The following GTPBP3 variants were observed in gnomAD, a reference collection of about 807,000 sequenced individuals.
GTPBP3 encodes the protein GTP binding protein 3, mitochondrial.
GTPBP3 carries 35 observed loss-of-function variants against 42.0 expected under a neutral mutation model. The ratio of observed to expected loss-of-function variants is 0.83; its 90% CI spans 0.64 to 1.10. The LOEUF is 1.10. Ranked by LOEUF, GTPBP3 falls within the 50% of genes least tolerant of loss-of-function variation. The probability of loss-of-function intolerance (pLI) is 0.00; values close to 1 mark genes in which losing one functional copy is unlikely to be tolerated. For synonymous variants in GTPBP3, 332 were observed against 314.9 expected, an observed-to-expected ratio of 1.05 and a Z score of -0.58; for missense variants, 691 against 685.2, an observed-to-expected ratio of 1.01 and a Z score of -0.09.
At chr19:17,336,106 C>T (rs1277457725), upstream of GTPBP3, among the ~76,000 whole-genome samples, 1 of 151,772 alleles carries the variant, frequency 6.6e-6, no homozygotes, top group East Asian at 1.9e-4. Flanking sequence ...CATGGTGGCG[C>T]ACGCCTGTAG....
chr19:17,341,130 T>C lies in GTPBP3; in HGVS notation c.1061T>C (p.Val354Ala). Residue 354 changes from valine to alanine, a missense_variant, in exon 8 of 9, where the codon GTA becomes GCA. Val to Ala is a moderately conservative substitution (Grantham distance 64, BLOSUM62 0). Transcript: ENST00000324894. ...AGTTGCAACTTCCTGGCCACCGTCG[T>C]AGCCTCTGTGGGAGCCCAGAGCCCC... is the stretch of plus-strand genomic sequence containing the variant. ...PSSCNFLATV[V>A]ASVGAQSPSD... 6.2e-7 allele frequency: 1 copy of C among 1,613,826 alleles called. No homozygotes were observed. The highest frequency in any genetic ancestry group is 2.2e-5 in the East Asian group (1 of 44,862).
intron 7 of GTPBP3, 93 bp downstream of exon 7, chr19:17,339,692 G>C: frequency 8.0e-7 from 1 of 1,247,430 alleles, no homozygotes; most frequent in South Asian, 1.4e-5. Flanking sequence ...TCCTGAATCA[G>C]AGAACCTGCT....
Position 17,341,070 on chromosome 19 carries a change from C to T in GTPBP3, c.1001C>T (p.Ala334Val), listed in dbSNP as rs1330350367. ...CTAGAGCAGGCTGACCTCATTCTGG[C>T]CATGCTGGATGCTTCTGACCTGGCC... is the stretch of plus-strand genomic sequence containing the variant. ...ERLEQADLIL[A>V]MLDASDLASP... The change falls in exon 8 of 9, where the codon GCC (alanine) becomes GTC (valine). Residue 334 changes from alanine to valine, a missense_variant. Transcript: ENST00000324894. 1 of 1,613,724 alleles carries T rather than the reference C, an allele frequency of 6.2e-7. No individual in the cohort carries two copies. Among genetic ancestry groups the T allele is most frequent in the South Asian group, 1.1e-5 (1 of 91,068 alleles).
upstream of GTPBP3, chr19:17,335,033 A>C: frequency 6.5e-7 from 1 of 1,535,718 alleles, no homozygotes. Flanking sequence ...GTCCCCACCC[A>C]TGCTTTCTTC....
intron 2 of GTPBP3, 46 bp from the exon 3 acceptor site, chr19:17,338,318 GT>G: frequency 6.2e-7 from 1 of 1,611,026 alleles, no homozygotes; most frequent in Non-Finnish European, 8.5e-7. Flanking sequence ...CCTTCCAAGG[GT>G]TTGCACTGGC....
chr19:17,336,795 A>G (rs1176502547), upstream of GTPBP3: 8 of 152,160 alleles, frequency 5.3e-5, no homozygotes. Context: ...GGAGCCAGAG[A>G]CTGACCGGAC....
upstream of GTPBP3, chr19:17,335,270 GA>G: frequency 8.5e-7 from 1 of 1,171,108 alleles, no homozygotes; most frequent in Non-Finnish European, 1.2e-6. Flanking sequence ...TGGCTGCCTA[GA>G]ACACTCCTCA....
Position 17,338,634 on chromosome 19 carries a change from G to T in GTPBP3, c.484G>T (p.Ala162Ser). Residue 162 changes from alanine (A) to serine (S), a missense_variant, in exon 4 of 9, where the codon GCG becomes TCG. By Grantham distance (99) the Ala-to-Ser change is moderately conservative (BLOSUM62 1). Transcript: ENST00000324894. ...GAACCTGACCGAAGTGGAGGGGCTGGCGGACCTTATCCACGCGGAAACAGA... is the reference window on the plus strand; with the variant it reads ...GAACCTGACCGAAGTGGAGGGGCTGTCGGACCTTATCCACGCGGAAACAGA... ...KLNLTEVEGLADLIHAETEAQ... is the reference protein window; with the variant it reads ...KLNLTEVEGLSDLIHAETEAQ... The T allele has an allele frequency of 6.2e-7, 1 of 1,614,046 alleles. No individual in the cohort carries two copies.
rs1003227343 is a variant in GTPBP3 at position 17,339,429 on chromosome 19, C to T, written c.809-5C>T. ...CCCTCTCCTCTTCTTCTGACCCTCC[C>T]CCAGGTCGGAAGCCTGTGTCCATCG... On this transcript the variant is annotated splice_polypyrimidine_tract_variant and splice_region_variant and intron_variant, in intron 6 of 8. Transcript: ENST00000324894. The T allele has an allele frequency of 2.2e-5, 35 of 1,613,036 alleles. No individual in the cohort carries two copies. The highest frequency in any genetic ancestry group is 2.8e-5 in the Non-Finnish European group (33 of 1,179,648).
upstream of GTPBP3, among the ~76,000 whole-genome samples, chr19:17,335,854 T>C (rs7508256): frequency 6.4e-3 from 189 of 29,668 alleles, no homozygotes; most frequent in Middle Eastern, 0.012. Flanking sequence ...ACAGATGTAA[T>C]AACTAGCTTG....
chr19:17,341,604 G>C lies in GTPBP3; in HGVS notation c.1380G>C (p.Ala460=), dbSNP rs140166079. 1 of 1,613,854 alleles carries C rather than the reference G, an allele frequency of 6.2e-7. No individual in the cohort carries two copies. Among genetic ancestry groups the C allele is most frequent in the African/African-American group, 1.3e-5 (1 of 75,040 alleles). ...QSKDLALAAE[A]LRVARGHLTR... is the part of the protein sequence containing the mutation. ...AAGACCTGGCCCTGGCGGCAGAGGCGCTGCGGGTGGCCCGGGGTCACCTGA... is the reference window on the plus strand; with the variant it reads ...AAGACCTGGCCCTGGCGGCAGAGGCCCTGCGGGTGGCCCGGGGTCACCTGA... The change falls in exon 9 of 9, where the codon GCG becomes GCC. Residue 460 remains alanine, a synonymous_variant. Transcript: ENST00000324894.
chr19:17,339,321 C>A, intron 6 of GTPBP3, 55 bp downstream of exon 6: 1 of 1,580,998 alleles, frequency 6.3e-7, no homozygotes, highest in East Asian at 2.2e-5. Flanking sequence ...GGGCCAAGAG[C>A]TGGGTTATTG....
At position 17,338,650 on chromosome 19, in the gene GTPBP3, C is replaced by T. The variant is rs2074393574; in HGVS notation, c.500C>T (p.Ala167Val). Reference sequence around the variant, plus strand: ...GAGGGGCTGGCGGACCTTATCCACGCGGAAACAGAGGCGCAGCGGCGGCAG... The same window carrying T: ...GAGGGGCTGGCGGACCTTATCCACGTGGAAACAGAGGCGCAGCGGCGGCAG... ...EVEGLADLIH[A>V]ETEAQRRQAL... The change falls in exon 4 of 9, where the codon GCG becomes GTG. Residue 167 changes from alanine to valine, a missense_variant. Transcript: ENST00000324894. 1 of 1,613,794 alleles carries T rather than the reference C, an allele frequency of 6.2e-7. No individual in the cohort carries two copies. The highest frequency in any genetic ancestry group is 1.7e-5 in the Admixed American group (1 of 59,998).
chr19:17,340,678 CT>C (rs1251972853), intron 7 of GTPBP3, among the ~76,000 whole-genome samples: 2 of 150,876 alleles, frequency 1.3e-5, no homozygotes, highest in East Asian at 3.9e-4. Flanking sequence ...GCTCTTCCCC[CT>C]GCACAGTGCT....
At position 17,337,554 on chromosome 19, in the gene GTPBP3, T is replaced by G. The variant is rs1372991704; in HGVS notation, c.-58T>G. On this transcript the variant is annotated 5_prime_UTR_variant, in exon 1 of 9. Transcript: ENST00000324894. ...AAGCCGCGGAGTGGGCGGGGCCCCC[T>G]GCCCAGACTTGAAGCCACACAGGCA... 1.5e-6 allele frequency: 2 copies of G among 1,300,190 alleles called. No homozygotes were observed. The highest frequency in any genetic ancestry group is 2.0e-6 in the Non-Finnish European group (2 of 1,017,758). 80.5% of individuals were successfully genotyped at this position (1,300,190 alleles called of 1,614,324 possible). A position where few individuals can be genotyped will look rare whatever the true frequency, so the allele number is the denominator to read the frequency against.
Position 17,338,098 on chromosome 19 carries a change from C to T in GTPBP3, c.144C>T (p.Ile48=). Residue 48 remains isoleucine, a synonymous_variant, in exon 2 of 9, where the codon ATC becomes ATT. Coordinates refer to ENST00000324894, the MANE Select transcript of GTPBP3 (RefSeq NM_032620.4). The part of the protein sequence containing the change: ...ALSSGQGRCG[I]AVIRTSGPAS... Reference sequence around the variant, plus strand: ...GCTCTGGCCAAGGCCGCTGCGGCATCGCAGTGATCCGGACCAGCGGCCCCG... The same window carrying T: ...GCTCTGGCCAAGGCCGCTGCGGCATTGCAGTGATCCGGACCAGCGGCCCCG... The T allele has an allele frequency of 6.3e-7, 1 of 1,596,274 alleles. No individual in the cohort carries two copies. The highest frequency in any genetic ancestry group is 8.5e-7 in the Non-Finnish European group (1 of 1,178,722).
intron 4 of GTPBP3, 99 bp downstream of exon 4, chr19:17,338,840 AGCTTCC>A: frequency 6.5e-7 from 1 of 1,532,764 alleles, no homozygotes; most frequent in Admixed American, 2.0e-5. Flanking sequence ...CCTGCGTGAA[AGCTTCC>A]GGCCTATGAG....
Position 17,342,003 on chromosome 19 carries a change from C to G in GTPBP3, c.*300C>G. 1 of 307,528 alleles carries G rather than the reference C, an allele frequency of 3.3e-6. No homozygotes were observed. The highest frequency in any genetic ancestry group is 5.9e-6 in the Non-Finnish European group (1 of 169,080). The allele number at this position is 307,528 out of a possible 1,614,324, so 19.0% of individuals were successfully genotyped here. Reference sequence around the variant, plus strand: ...TAGTTTTTTATTTATTTTGCAAATACCAAAGGAATGTAAAAAAAACTCAGG... The same window carrying G: ...TAGTTTTTTATTTATTTTGCAAATAGCAAAGGAATGTAAAAAAAACTCAGG... On this transcript the variant is annotated 3_prime_UTR_variant, in exon 9 of 9. Coordinates refer to ENST00000324894, the MANE Select transcript of GTPBP3 (RefSeq NM_032620.4).
intron 7 of GTPBP3, 37 bp downstream of exon 7, chr19:17,339,636 G>A (rs11669718): frequency 1.9e-6 from 3 of 1,545,998 alleles, no homozygotes; most frequent in Non-Finnish European, 1.7e-6. Context: ...GGGAACGCGG[G>A]GCCCTTTCTC....
Sources: allele counts gnomAD v4.1 joint callset (sites outside exome capture counted in the v4.1 genomes callset), GRCh38; gene constraint gnomAD v4.1.1; transcripts MANE v1.5; gene names NCBI Gene and HGNC (gene_info 2026-07-23, HGNC 2026-07-21).